The following TRIM26 variants were observed in gnomAD, a reference collection of about 807,000 sequenced individuals.
TRIM26 encodes tripartite motif-containing protein 26.
In TRIM26, 16 loss-of-function variants were observed where a neutral mutation model predicts 45.5. The ratio of observed to expected loss-of-function variants is 0.35; its 90% CI spans 0.24 to 0.53. TRIM26 has a LOEUF of 0.53. Ranked by LOEUF, TRIM26 falls within the 20% of genes least tolerant of loss-of-function variation. The pLI, the probability that TRIM26 is intolerant of heterozygous loss-of-function variation, is 0.92. For missense variants in TRIM26, 442 were observed against 691.1 expected, an observed-to-expected ratio of 0.64 and a Z score of 4.04; for synonymous variants, 273 against 290.4, an observed-to-expected ratio of 0.94 and a Z score of 0.61.
chr6:30,186,473 G>T lies in TRIM26; in HGVS notation c.1023C>A (p.Tyr341Ter). The change falls in exon 10 of 10, where the codon TAC (tyrosine) becomes TAA (stop). Residue 341 changes from tyrosine (Y) to a stop codon, truncating the protein, a stop_gained. Coordinates refer to ENST00000454678, the MANE Select transcript of TRIM26 (RefSeq NM_003449.5). LOFTEE classifies it low-confidence loss of function (END_TRUNC). This position sits in a 1 kb window ranked among gnomAD's most constrained non-coding sequence, Gnocchi z 7.4. ...DWKCVTYTSL[Y>*]KSAYLHPQQF... ...GCTGGGGGTGCAGGTAGGCACTCTT[G>T]TACAGGCTGGTGTAGGTCACGCACT... 1 of 1,577,302 alleles carries T rather than the reference G, an allele frequency of 6.3e-7. No homozygotes were observed. The highest frequency in any genetic ancestry group is 8.6e-7 in the Non-Finnish European group (1 of 1,161,842).
rs1254747695 is a variant in TRIM26 at position 30,189,729 on chromosome 6, G to A, written c.789-196C>T. 2 of 635,072 alleles carry A rather than the reference G, an allele frequency of 3.1e-6. No homozygotes were observed. Among genetic ancestry groups the A allele is most frequent in the Non-Finnish European group, 5.5e-6 (2 of 366,242 alleles). The allele number at this position is 635,072 out of a possible 1,614,324, so 39.3% of individuals were successfully genotyped here. On this transcript the variant is annotated intron_variant, in intron 7 of 9. Coordinates refer to ENST00000454678, the MANE Select transcript of TRIM26 (RefSeq NM_003449.5). This position sits in a 1 kb window ranked among gnomAD's most constrained non-coding sequence, Gnocchi z 5.0. Reference sequence around the variant, plus strand: ...AACATCAGTAGACTCCACATCCAGGGCGCTCTGTCTACTAAGCCATGTTTC... The same window carrying A: ...AACATCAGTAGACTCCACATCCAGGACGCTCTGTCTACTAAGCCATGTTTC...
chr6:30,200,384 C>G (rs780940841), intron 3 of TRIM26, among the ~76,000 whole-genome samples: 1 of 152,242 alleles, frequency 6.6e-6, no homozygotes, highest in Non-Finnish European at 1.5e-5. Flanking sequence ...AGGAGTCTGA[C>G]TGTCAGCATT....
chr6:30,190,795 G>A lies in TRIM26; in HGVS notation c.766-760C>T, dbSNP rs545980417. On this transcript the variant is annotated intron_variant, in intron 6 of 9. Transcript: ENST00000454678. The surrounding 1 kb of genome is among the most constrained non-coding windows in gnomAD (Gnocchi z 4.3). ...GCAGCAGAGGACAACATCCCTAGAAGCTGGTGGAAGAACCACATGGAAGTA... is the reference window on the plus strand; with the variant it reads ...GCAGCAGAGGACAACATCCCTAGAAACTGGTGGAAGAACCACATGGAAGTA... Among the ~76,000 whole-genome samples the A allele has an allele frequency of 2.0e-5, 3 of 152,340 alleles. No homozygotes were observed. Among genetic ancestry groups the A allele is most frequent in the Non-Finnish European group, 2.9e-5 (2 of 68,038 alleles).
At chr6:30,212,915 C>CAAAAAAAAAA (rs3059548) in intron 1 of TRIM26, among the ~76,000 whole-genome samples, 2 of 130,288 alleles carry the variant, frequency 1.5e-5, no homozygotes, top group East Asian at 2.3e-4. Flanking sequence ...TTACTCCGAA[C>CAAAAAAAAAA]AAAAAAAAAA....
intron 9 of TRIM26, chr6:30,187,227 G>T: frequency 3.6e-6 from 1 of 277,962 alleles, no homozygotes; most frequent in South Asian, 3.9e-5. Context: ...TCAATTTCCT[G>T]AATAATTTCT....
intron 1 of TRIM26, among the ~76,000 whole-genome samples, chr6:30,208,532 T>G (rs1562236594): frequency 8.3e-6 from 1 of 119,956 alleles, no homozygotes; most frequent in Admixed American, 8.6e-5. Flanking sequence ...TTTTTTTTTT[T>G]TCCATGTATT....
Position 30,213,384 on chromosome 6 carries a change from A to C in TRIM26, c.-455T>G, listed in dbSNP as rs1351516463. 1 of 152,244 alleles carries C rather than the reference A, an allele frequency of 6.6e-6. No individual in the cohort carries two copies. The highest frequency in any genetic ancestry group is 1.9e-4 in the East Asian group (1 of 5,190). 9.4% of individuals were successfully genotyped at this position (152,244 alleles called of 1,614,324 possible). A position where few individuals can be genotyped will look rare whatever the true frequency, so the allele number is the denominator to read the frequency against. ...GGTCTGTTCCGGGTCCCGCTCCTGC[A>C]CGAGCAACCAGCGCGACAGCTCGTC... On this transcript the variant is annotated 5_prime_UTR_variant, in exon 1 of 10. Coordinates refer to ENST00000454678, the MANE Select transcript of TRIM26 (RefSeq NM_003449.5).
chr6:30,210,931 T>C (rs1393707703), intron 1 of TRIM26, among the ~76,000 whole-genome samples: 2 of 152,180 alleles, frequency 1.3e-5, no homozygotes, highest in East Asian at 1.9e-4. Flanking sequence ...AGGTTGACCA[T>C]GGGTAACGGA....
chr6:30,199,988 A>G (rs1206747442), intron 3 of TRIM26, among the ~76,000 whole-genome samples: 1 of 152,200 alleles, frequency 6.6e-6, no homozygotes, highest in East Asian at 1.9e-4. Flanking sequence ...GAACTAAGAG[A>G]GGGCAATGTG....
intron 2 of TRIM26, among the ~76,000 whole-genome samples, chr6:30,203,916 T>G (rs1015899498): frequency 2.0e-5 from 3 of 152,078 alleles, no homozygotes; most frequent in Non-Finnish European, 4.4e-5. Context: ...GAGCTACAGT[T>G]TTCTATCACA....
At chr6:30,197,108 T>C (rs1776567454) in intron 5 of TRIM26, among the ~76,000 whole-genome samples, 1 of 152,168 alleles carries the variant, frequency 6.6e-6, no homozygotes, top group Admixed American at 6.5e-5. Flanking sequence ...TGTCACCTCT[T>C]CCAGGAAGTT....
At chr6:30,200,414 C>T (rs1431266644) in intron 3 of TRIM26, among the ~76,000 whole-genome samples, 1 of 152,192 alleles carries the variant, frequency 6.6e-6, no homozygotes. Flanking sequence ...GAGTATTTCC[C>T]TGGGCTGTTC....
In TRIM26 at chr6:30,189,357, GCTCT is replaced by G. The variant is rs1403705768; in HGVS notation, c.904+57_904+60del. On this transcript the variant is annotated intron_variant, in intron 8 of 9. Coordinates refer to ENST00000454678, the MANE Select transcript of TRIM26 (RefSeq NM_003449.5). The surrounding 1 kb of genome is among the most constrained non-coding windows in gnomAD (Gnocchi z 5.0). ...AAGGTGATGGAAAGGAGCTGGGTGCGCTCTTTCTACGAGGTAGCCCTGCTCTGAC... is the reference window on the plus strand; with the variant it reads ...AAGGTGATGGAAAGGAGCTGGGTGCGTTCTACGAGGTAGCCCTGCTCTGAC... 449 of 1,576,802 alleles carry G rather than the reference GCTCT, an allele frequency of 2.8e-4. 5 individuals carry two copies. In the South Asian group the frequency reaches 4.8e-3, roughly 17 times the overall value.
chr6:30,208,818 T>C (rs541867951), intron 1 of TRIM26, among the ~76,000 whole-genome samples: 1 of 152,218 alleles, frequency 6.6e-6, no homozygotes, highest in Admixed American at 6.5e-5. Context: ...CAGCAGGCTA[T>C]GAGCACTCAT....
rs562545878 is a variant in TRIM26, at chr6:30,184,993, A to T, written c.*883T>A. On this transcript the variant is annotated 3_prime_UTR_variant, in exon 10 of 10. Transcript: ENST00000454678. ...CTGGTAGGGCCAGAGACAGAGGCTT[A>T]ACACCCTGCTGGGGAACCCGGTCAG... is the stretch of plus-strand genomic sequence containing the variant. 1 of 152,512 alleles carries T rather than the reference A, an allele frequency of 6.6e-6. No homozygotes were observed. The highest frequency in any genetic ancestry group is 2.1e-4 in the South Asian group (1 of 4,826). The allele number at this position is 152,512 out of a possible 1,614,324, so 9.4% of individuals were successfully genotyped here.
chr6:30,188,638 C>T (rs1045713567), intron 9 of TRIM26: 16 of 223,888 alleles, frequency 7.1e-5, no homozygotes, highest in Admixed American at 4.4e-4. Flanking sequence ...ATGGTTCTCA[C>T]GAAAGCAAGT....
Position 30,189,734 on chromosome 6 carries a change from C to T in TRIM26, c.789-201G>A. ...CAGTAGACTCCACATCCAGGGCGCT[C>T]TGTCTACTAAGCCATGTTTCTAACC... On this transcript the variant is annotated intron_variant, in intron 7 of 9. Transcript: ENST00000454678. This position sits in a 1 kb window ranked among gnomAD's most constrained non-coding sequence, Gnocchi z 5.0. 1 of 631,332 alleles carries T rather than the reference C, an allele frequency of 1.6e-6. No individual in the cohort carries two copies. Among genetic ancestry groups the T allele is most frequent in the South Asian group, 2.0e-5 (1 of 50,726 alleles). The allele number at this position is 631,332 out of a possible 1,614,324, so 39.1% of individuals were successfully genotyped here.
At chr6:30,206,262 A>G (rs1160399216) in intron 1 of TRIM26, among the ~76,000 whole-genome samples, 1 of 152,248 alleles carries the variant, frequency 6.6e-6, no homozygotes, top group African/African-American at 2.4e-5. Flanking sequence ...TGGCCAGGCC[A>G]AAGGCCTGGA....
Position 30,198,666 on chromosome 6 carries a change from C to G in TRIM26, c.438G>C (p.Arg146Ser). The G allele has an allele frequency of 6.2e-7, 1 of 1,604,424 alleles. No individual in the cohort carries two copies. Among genetic ancestry groups the G allele is most frequent in the Non-Finnish European group, 8.5e-7 (1 of 1,177,884 alleles). Residue 146 changes from arginine (R) to serine (S), a missense_variant and splice_region_variant, in exon 4 of 10, where the codon AGG becomes AGC. Physicochemically the swap from Arg to Ser is moderately radical, Grantham distance 110. Transcript: ENST00000454678. This position sits in a 1 kb window ranked among gnomAD's most constrained non-coding sequence, Gnocchi z 6.3. ...ACCCTCGGGGGTGAAGAGGGCTTAC[C>G]CTGTGGGGCTGGGCGGCCTTCTCCA... ...VLMEKAAQPH[R>S]EKILNHLSTL...
Sources: allele counts gnomAD v4.1 joint callset (sites outside exome capture counted in the v4.1 genomes callset), GRCh38; gene constraint gnomAD v4.1.1; non-coding constraint Gnocchi (gnomAD v3.1); transcripts MANE v1.5; gene names NCBI Gene and HGNC (gene_info 2026-07-23, HGNC 2026-07-21).